CLMP: variants seen among roughly 807,000 people sequenced by gnomAD.
The protein encoded by CLMP is CXADR like cell adhesion molecule.
In CLMP, 27 loss-of-function variants were observed where a neutral mutation model predicts 45.2. The ratio of observed to expected loss-of-function variants is 0.60; its 90% CI spans 0.44 to 0.82. CLMP has a LOEUF of 0.82. Among genes scored for constraint, CLMP ranks in the 40% least tolerant of loss-of-function variants. The pLI is 0.00. For synonymous variants in CLMP, 167 were observed against 171.4 expected (o/e 0.97, Z 0.20); for missense variants, 403 against 448.4 (o/e 0.90, Z 0.91).
chr11:123,089,825 C>T (rs190072204), intron 2 of CLMP, among the ~76,000 whole-genome samples: 1,697 of 148,650 alleles, frequency 0.011, 27 homozygotes, highest in African/African-American at 0.04. Flanking sequence ...CAAGGCTGGG[C>T]GCGGTGGCTC....
intron 1 of CLMP, among the ~76,000 whole-genome samples, chr11:123,167,520 C>A (rs886940793): frequency 6.7e-6 from 1 of 150,010 alleles, no homozygotes; most frequent in Non-Finnish European, 1.5e-5. Flanking sequence ...CTCCTGACCT[C>A]GTGATCCGCC....
chr11:123,117,418 T>C (rs1860734113), intron 1 of CLMP, among the ~76,000 whole-genome samples: 3 of 151,910 alleles, frequency 2.0e-5, no homozygotes, highest in Non-Finnish European at 2.9e-5. Flanking sequence ...AAAAATTTTT[T>C]ATTTTTTATT....
At chr11:123,074,954 G>GTTTTT in intron 5 of CLMP, 111 bp from the exon 6 acceptor site, 1 of 1,163,058 alleles carries the variant, frequency 8.6e-7, no homozygotes. Context: ...AGGTTTGTTT[G>GTTTTT]TTTTGTTTTT....
At chr11:123,135,888 G>T (rs955603245) in intron 1 of CLMP, 57 of 503,584 alleles carry the variant, frequency 1.1e-4, no homozygotes, top group African/African-American at 4.0e-5. Flanking sequence ...TCTTCTCATA[G>T]TTGAATCCAC....
At chr11:123,114,472 C>CTTCCT (rs1555080992) in intron 1 of CLMP, among the ~76,000 whole-genome samples, 2 of 125,384 alleles carry the variant, frequency 1.6e-5, no homozygotes, top group African/African-American at 5.9e-5. Context: ...TCCTTCCTTC[C>CTTCCT]TTTTTTTTTT....
At chr11:123,100,664 C>T (rs1197573223) in intron 1 of CLMP, among the ~76,000 whole-genome samples, 2 of 152,194 alleles carry the variant, frequency 1.3e-5, no homozygotes, top group African/African-American at 4.8e-5. Flanking sequence ...GAGGAAGTCA[C>T]AGCCCTGCTT....
chr11:123,116,397 T>C (rs1860720366), intron 1 of CLMP, among the ~76,000 whole-genome samples: 1 of 151,854 alleles, frequency 6.6e-6, no homozygotes, highest in South Asian at 2.1e-4. Context: ...TGAAACCCTG[T>C]GTATACTAAA....
At chr11:123,187,030 T>C (rs1474953754) in intron 1 of CLMP, among the ~76,000 whole-genome samples, 1 of 152,104 alleles carries the variant, frequency 6.6e-6, no homozygotes, top group African/African-American at 2.4e-5. Context: ...CAACAGACAT[T>C]CATTTACTAT....
At chr11:123,150,609 G>T (rs111711498) in intron 1 of CLMP, among the ~76,000 whole-genome samples, 2,707 of 94,318 alleles carry the variant, frequency 0.029, 128 homozygotes, top group African/African-American at 0.1. Context: ...AAGGAATGAA[G>T]GAAGGAAGGA....
intron 1 of CLMP, among the ~76,000 whole-genome samples, 177 bp downstream of exon 1, chr11:123,194,736 C>G (rs1282361558): frequency 6.6e-6 from 1 of 152,238 alleles, no homozygotes; most frequent in Non-Finnish European, 1.5e-5. Context: ...ATCTCGATGG[C>G]CGACTGGGCG....
intron 1 of CLMP, among the ~76,000 whole-genome samples, chr11:123,135,349 G>C (rs1023558271): frequency 6.6e-6 from 1 of 151,952 alleles, no homozygotes; most frequent in African/African-American, 2.4e-5. Flanking sequence ...GGGGGGAGGG[G>C]ACCCTGATTT....
At chr11:123,078,818 G>T (rs1258911276) in intron 5 of CLMP, among the ~76,000 whole-genome samples, 1 of 151,972 alleles carries the variant, frequency 6.6e-6, no homozygotes, top group Non-Finnish European at 1.5e-5. Context: ...CTAATTTTTT[G>T]TATTTTTAGT....
chr11:123,143,460 G>GCCA (rs1861193440), intron 1 of CLMP, among the ~76,000 whole-genome samples: 1 of 151,900 alleles, frequency 6.6e-6, no homozygotes, highest in East Asian at 1.9e-4. Flanking sequence ...GCAGCAGACT[G>GCCA]GAATTAGAAG....
chr11:123,153,709 G>C (rs910150401), intron 1 of CLMP, among the ~76,000 whole-genome samples: 2 of 151,896 alleles, frequency 1.3e-5, no homozygotes, highest in African/African-American at 4.8e-5. Flanking sequence ...CTGAGATAGG[G>C]TCTCACTTTG....
intron 1 of CLMP, among the ~76,000 whole-genome samples, chr11:123,125,480 CCCTCCCTCCTT>C (rs1400357944): frequency 4.6e-5 from 5 of 107,796 alleles, no homozygotes; most frequent in Non-Finnish European, 9.8e-5. Context: ...CCTCCCTCCT[CCCTCCCTCCTT>C]CCTCCCTTCT....
At chr11:123,076,991 C>CTTTT (rs869224079) in intron 5 of CLMP, among the ~76,000 whole-genome samples, 30 of 99,668 alleles carry the variant, frequency 3.0e-4, no homozygotes, top group Middle Eastern at 7.4e-3. Context: ...GCTATTTATT[C>CTTTT]TTTTTTTTTT....
chr11:123,104,416 G>A (rs973726221), intron 1 of CLMP, among the ~76,000 whole-genome samples: 3 of 149,848 alleles, frequency 2.0e-5, no homozygotes, highest in Non-Finnish European at 4.4e-5. Context: ...ACGGAGTCTC[G>A]CCCTGTTGCT....
chr11:123,103,687 T>G (rs1860485100), intron 1 of CLMP, among the ~76,000 whole-genome samples: 2 of 152,106 alleles, frequency 1.3e-5, no homozygotes, highest in Admixed American at 6.6e-5. Flanking sequence ...TCCTTCTCCT[T>G]CTGTCCCTTT....
rs1329735323 is a variant in CLMP at position 123,069,955 on chromosome 11, C to T, written c.*3519G>A. On this transcript the variant is annotated 3_prime_UTR_variant, in exon 7 of 7. Transcript: ENST00000448775. ...GGTTTTTGTGATGCTGAAACACAGT[C>T]CCAATTACAAGGCAACTTAGAAGTT... is the stretch of plus-strand genomic sequence containing the variant. The T allele has an allele frequency of 2.6e-5, 4 of 152,160 alleles. No homozygotes were observed. Among genetic ancestry groups the T allele is most frequent in the Non-Finnish European group, 5.9e-5 (4 of 68,028 alleles). 9.4% of individuals were successfully genotyped at this position (152,160 alleles called of 1,614,324 possible).
Sources: allele counts gnomAD v4.1 joint callset (sites outside exome capture counted in the v4.1 genomes callset), GRCh38; gene constraint gnomAD v4.1.1; transcripts MANE v1.5; gene names NCBI Gene and HGNC (gene_info 2026-07-23, HGNC 2026-07-21).